The following PLXDC2 variants were observed in gnomAD, a reference collection of about 807,000 sequenced individuals.
PLXDC2 encodes plexin domain containing 2, also known as plexin domain-containing protein 2.
PLXDC2 carries 40 observed loss-of-function variants against 68.9 expected under a neutral mutation model. The ratio of observed to expected loss-of-function variants is 0.58; its 90% CI spans 0.45 to 0.76. The LOEUF (loss-of-function observed/expected upper bound fraction) is 0.76, where lower values mean the gene tolerates loss of function less well. PLXDC2 is among the 30% of genes least tolerant of loss of function. The pLI is 0.00. For synonymous variants in PLXDC2, 243 were observed against 234.2 expected (o/e 1.04, Z -0.34); for missense variants, 644 against 661.9 (o/e 0.97, Z 0.30).
intron 9 of PLXDC2, among the ~76,000 whole-genome samples, chr10:20,185,972 T>C (rs775685033): frequency 6.6e-6 from 1 of 152,016 alleles, no homozygotes; most frequent in Admixed American, 6.6e-5. Context: ...GGTTCCAATA[T>C]GCTGACTTCC....
intron 1 of PLXDC2, among the ~76,000 whole-genome samples, chr10:19,828,933 C>T (rs892860192): frequency 6.6e-6 from 1 of 152,120 alleles, no homozygotes; most frequent in Non-Finnish European, 1.5e-5. Flanking sequence ...CTTCATTCCA[C>T]AGCCAGAAAG....
chr10:19,865,908 G>A (rs1837405781), intron 1 of PLXDC2, among the ~76,000 whole-genome samples: 1 of 152,018 alleles, frequency 6.6e-6, no homozygotes, highest in African/African-American at 2.4e-5. Context: ...CAAGCACATG[G>A]CTACCATTGC....
intron 12 of PLXDC2, among the ~76,000 whole-genome samples, chr10:20,234,326 T>C (rs1835404193): frequency 6.6e-6 from 1 of 152,218 alleles, no homozygotes; most frequent in South Asian, 2.1e-4. Flanking sequence ...ACTAAACGTG[T>C]TCTGTTCCAC....
chr10:19,980,806 C>A (rs1834538985), intron 1 of PLXDC2, among the ~76,000 whole-genome samples: 1 of 152,126 alleles, frequency 6.6e-6, no homozygotes, highest in South Asian at 2.1e-4. Flanking sequence ...TCCATAGATG[C>A]CCCATCCCCA....
chr10:20,025,367 A>G (rs1835381968), intron 2 of PLXDC2, among the ~76,000 whole-genome samples: 1 of 151,454 alleles, frequency 6.6e-6, no homozygotes, highest in Non-Finnish European at 1.5e-5. Flanking sequence ...AGGTTCAATG[A>G]TTCTCCTGCC....
chr10:20,183,911 C>T (rs1298881577), intron 9 of PLXDC2, among the ~76,000 whole-genome samples: 3 of 151,880 alleles, frequency 2.0e-5, no homozygotes, highest in African/African-American at 7.3e-5. Context: ...TCTTTTGGTG[C>T]CTCACTTTAA....
At chr10:20,221,303 GC>G (rs5783729) in intron 12 of PLXDC2, among the ~76,000 whole-genome samples, 30,938 of 152,040 alleles carry the variant, frequency 0.2, 5,596 homozygotes, top group African/African-American at 0.49. Flanking sequence ...TTAAAGCAGT[GC>G]CTTATGATGC....
intron 1 of PLXDC2, among the ~76,000 whole-genome samples, chr10:19,817,541 C>A (rs1178394878): frequency 6.6e-6 from 1 of 152,182 alleles, no homozygotes; most frequent in Non-Finnish European, 1.5e-5. Flanking sequence ...TGCTCTCCGG[C>A]TCCTCCTCCT....
chr10:20,135,023 GT>G (rs1429317536), intron 4 of PLXDC2, among the ~76,000 whole-genome samples: 1 of 152,118 alleles, frequency 6.6e-6, no homozygotes, highest in African/African-American at 2.4e-5. Context: ...TCTTCAATTT[GT>G]CTTTTCTTAT....
At chr10:20,018,293 C>G (rs2884508) in intron 2 of PLXDC2, among the ~76,000 whole-genome samples, 18,266 of 151,260 alleles carry the variant, frequency 0.12, 1,272 homozygotes, top group Admixed American at 0.18. Context: ...TACCTGTTTT[C>G]CCCATACTAT....
intron 4 of PLXDC2, among the ~76,000 whole-genome samples, chr10:20,111,528 GGTTTA>G (rs1833560446): frequency 6.6e-6 from 1 of 151,990 alleles, no homozygotes; most frequent in Non-Finnish European, 1.5e-5. Context: ...ACTAACATTT[GGTTTA>G]GTTTAGTTCA....
chr10:20,168,388 T>C (rs1423795505), intron 7 of PLXDC2, among the ~76,000 whole-genome samples: 1 of 152,122 alleles, frequency 6.6e-6, no homozygotes, highest in Non-Finnish European at 1.5e-5. Flanking sequence ...CCATCATCGT[T>C]ATCACTTTAA....
chr10:19,924,522 A>C (rs1216153250), intron 1 of PLXDC2, among the ~76,000 whole-genome samples: 1 of 152,230 alleles, frequency 6.6e-6, no homozygotes, highest in African/African-American at 2.4e-5. Context: ...ATAGTGGCCA[A>C]TAAATGTCCT....
chr10:20,154,232 G>A (rs1212161394), intron 6 of PLXDC2, among the ~76,000 whole-genome samples: 1 of 152,050 alleles, frequency 6.6e-6, no homozygotes, highest in Admixed American at 6.6e-5. Flanking sequence ...GTGGTCTATT[G>A]ATAATGTAAC....
At chr10:20,198,362 C>T (rs900863514) in intron 9 of PLXDC2, among the ~76,000 whole-genome samples, 3 of 152,098 alleles carry the variant, frequency 2.0e-5, no homozygotes. Context: ...TTCTAAAGCC[C>T]ATCATTTCTT....
intron 1 of PLXDC2, among the ~76,000 whole-genome samples, chr10:19,885,773 G>A (rs1441765331): frequency 1.3e-5 from 2 of 152,180 alleles, no homozygotes; most frequent in Admixed American, 6.5e-5. Flanking sequence ...AGTACAGTTT[G>A]AAGTCAGGTA....
At chr10:19,826,746 G>T (rs1564601046) in intron 1 of PLXDC2, among the ~76,000 whole-genome samples, 1 of 151,834 alleles carries the variant, frequency 6.6e-6, no homozygotes, top group African/African-American at 2.4e-5. Context: ...TAAAAAAGGT[G>T]GTTTTTTTGT....
intron 7 of PLXDC2, among the ~76,000 whole-genome samples, chr10:20,168,562 A>T (rs1161494004): frequency 1.3e-5 from 2 of 152,124 alleles, no homozygotes; most frequent in Non-Finnish European, 2.9e-5. Context: ...CATAAGACTT[A>T]TGTCTGCCTG....
rs540359330 is a variant in PLXDC2 at position 20,044,378 on chromosome 10, T to C, written c.325-2491T>C. ...CAGGCTGGAGTGTAACAGCACGATCTAGGCTCACTGCAAACTCCGCCTCCC... is the reference window on the plus strand; with the variant it reads ...CAGGCTGGAGTGTAACAGCACGATCCAGGCTCACTGCAAACTCCGCCTCCC... On this transcript the variant is annotated intron_variant, in intron 2 of 13. Transcript: ENST00000377252. Among the ~76,000 whole-genome samples the C allele has an allele frequency of 3.2e-4, 49 of 151,202 alleles. 2 individuals are homozygous for C. The South Asian group carries it at 9.5e-3, about 29-fold the overall frequency.
Sources: gnomAD v4.1 joint callset for allele counts (sites outside exome capture counted in the v4.1 genomes callset) on GRCh38, gnomAD v4.1.1 for gene constraint, MANE v1.5 for transcripts, NCBI Gene and HGNC (gene_info 2026-07-23, HGNC 2026-07-21) for gene names.